Variants in MFSD6 observed in about 807,000 individuals in gnomAD.
MFSD6 encodes the protein major facilitator superfamily domain-containing protein 6.
MFSD6 carries 26 observed loss-of-function variants against 56.3 expected under a neutral mutation model. The observed-to-expected ratio is 0.46, with a 90% confidence interval of 0.34 to 0.64. The LOEUF (loss-of-function observed/expected upper bound fraction) is 0.64. Among genes scored for constraint, MFSD6 ranks in the 30% least tolerant of loss-of-function variants. MFSD6 has a pLI of 0.01. For synonymous variants in MFSD6, 331 were observed against 366.9 expected (o/e 0.90, Z 1.12); for missense variants, 750 against 986.2 (o/e 0.76, Z 3.21).
Position 190,437,089 on chromosome 2 carries a change from C to T in MFSD6, c.1060C>T (p.Leu354Phe). The change falls in exon 3 of 8, where the codon CTC (leucine) becomes TTC (phenylalanine). Residue 354 changes from leucine (L) to phenylalanine (F), a missense_variant. By Grantham distance (22) the Leu-to-Phe change is conservative (BLOSUM62 0). Transcript: ENST00000392328. This position sits in a 1 kb window ranked among gnomAD's most constrained non-coding sequence, Gnocchi z 5.9. The stretch of plus-strand genomic sequence containing the variant: ...GATCGACTACACCCACATCGAAGTG[C>T]TCATCGATGGAAAGGGGTGTAAGCC... Reference protein sequence around the residue: ...IGIDYTHIEVLIDGKGCKPPE... With the variant: ...IGIDYTHIEVFIDGKGCKPPE... 3 of 1,614,240 alleles carry T rather than the reference C, an allele frequency of 1.9e-6. No homozygotes were observed. Among genetic ancestry groups the T allele is most frequent in the Non-Finnish European group, 2.5e-6 (3 of 1,180,052 alleles).
chr2:190,432,011 A>G (rs899769999), intron 2 of MFSD6, among the ~76,000 whole-genome samples: 4 of 148,752 alleles, frequency 2.7e-5, no homozygotes, highest in African/African-American at 1.0e-4. Flanking sequence ...ATTTCTCTGG[A>G]CTGATAGTGT....
chr2:190,499,648 G>A lies in MFSD6; in HGVS notation c.2173-367G>A, dbSNP rs572599565. Among the ~76,000 whole-genome samples, 109 of 152,306 alleles carry A rather than the reference G, an allele frequency of 7.2e-4. No homozygotes were observed. Among genetic ancestry groups the A allele is most frequent in the African/African-American group, 2.4e-3 (98 of 41,560 alleles). On this transcript the variant is annotated intron_variant, in intron 7 of 7. Transcript: ENST00000392328. The surrounding 1 kb of genome is among the most constrained non-coding windows in gnomAD (Gnocchi z 6.0). ...CTTGGATTCTGTGGTCTTAGCAAGC[G>A]GCCTGAGTTTCAGTTATTCCATAGT... is the stretch of plus-strand genomic sequence containing the variant.
At chr2:190,468,303 C>T (rs1687712686) in intron 3 of MFSD6, among the ~76,000 whole-genome samples, 1 of 152,154 alleles carries the variant, frequency 6.6e-6, no homozygotes. Flanking sequence ...TATCTGTTGC[C>T]TATTTCATCC....
At chr2:190,481,196 C>T (rs1374876291) in intron 4 of MFSD6, among the ~76,000 whole-genome samples, 3 of 152,198 alleles carry the variant, frequency 2.0e-5, no homozygotes, top group African/African-American at 7.2e-5. Context: ...TCTCCTAAAA[C>T]CTGCTTAAAG....
Position 190,424,577 on chromosome 2 carries a change from C to T in MFSD6, c.-54+9164C>T, listed in dbSNP as rs568191406. 6.6e-6 allele frequency among the ~76,000 whole-genome samples: 1 copy of T among 152,204 alleles called. No homozygotes were observed. The highest frequency in any genetic ancestry group is 6.5e-5 in the Admixed American group (1 of 15,272). ...CTCGAACTCCTGACCTCAGGTGATC[C>T]GTCCACCTCGGCCACCAAAGTGCTG... On this transcript the variant is annotated intron_variant, in intron 2 of 7. Transcript: ENST00000392328. The surrounding 1 kb of genome is among the most constrained non-coding windows in gnomAD (Gnocchi z 5.9).
rs1371991784 is a variant in MFSD6 at position 190,488,685 on chromosome 2, A to C, written c.1659A>C (p.Ala553=). The C allele has an allele frequency of 6.3e-7, 1 of 1,592,012 alleles. No individual in the cohort carries two copies. Among genetic ancestry groups the C allele is most frequent in the Non-Finnish European group, 8.5e-7 (1 of 1,170,172 alleles). Residue 553 remains alanine, a synonymous_variant, in exon 5 of 8, where the codon GCA becomes GCC. Transcript: ENST00000392328. The surrounding 1 kb of genome is among the most constrained non-coding windows in gnomAD (Gnocchi z 6.4). ...QGVTHAAIWA[A]CISYLSAAVP... ...TGACACACGCGGCCATCTGGGCAGCATGCATTTCTTACCTCAGTGCAGCCG... is the reference window on the plus strand; with the variant it reads ...TGACACACGCGGCCATCTGGGCAGCCTGCATTTCTTACCTCAGTGCAGCCG...
chr2:190,486,626 G>T (rs969868224), intron 4 of MFSD6, among the ~76,000 whole-genome samples: 11 of 152,182 alleles, frequency 7.2e-5, no homozygotes, highest in Non-Finnish European at 1.5e-4. Context: ...GTTTTGTCCG[G>T]TTTTTTAGTT....
In MFSD6 at chr2:190,435,830, T is replaced by A. The variant is rs1686158852; in HGVS notation, c.-53-147T>A. The A allele has an allele frequency of 7.4e-6, 5 of 678,590 alleles. No individual in the cohort carries two copies. The South Asian group carries it at 1.4e-4, about 19-fold the overall frequency. 42.0% of individuals were successfully genotyped at this position (678,590 alleles called of 1,614,324 possible). A position where few individuals can be genotyped will look rare whatever the true frequency, so the allele number is the denominator to read the frequency against. The stretch of plus-strand genomic sequence containing the variant: ...AAAAGCTATTTTTCCTTACCGGTAT[T>A]GTGTGGCTGCAAGTGATAAATGATG... On this transcript the variant is annotated intron_variant, in intron 2 of 7. Coordinates refer to ENST00000392328, the MANE Select transcript of MFSD6 (RefSeq NM_017694.4).
At chr2:190,450,169 T>A (rs1266227882) in intron 3 of MFSD6, among the ~76,000 whole-genome samples, 1 of 152,222 alleles carries the variant, frequency 6.6e-6, no homozygotes, top group East Asian at 1.9e-4. Flanking sequence ...AGTGTCAGTT[T>A]ACTGCGTTTT....
rs1685769022 is a variant in MFSD6, at chr2:190,425,833, GGA to G, written c.-53-10143_-53-10142del. ...GTTTTTTTGGACAGTCTTTTTTTCT[GGA>G]TATAGCATTCTGCATTGACAATTCT... is the stretch of plus-strand genomic sequence containing the variant. On this transcript the variant is annotated intron_variant, in intron 2 of 7. Transcript: ENST00000392328. This position sits in a 1 kb window ranked among gnomAD's most constrained non-coding sequence, Gnocchi z 4.3. 6.6e-6 allele frequency among the ~76,000 whole-genome samples: 1 copy of G among 151,820 alleles called. No homozygotes were observed. The highest frequency in any genetic ancestry group is 1.5e-5 in the Non-Finnish European group (1 of 67,966).
At chr2:190,428,874 C>T (rs552067300) in intron 2 of MFSD6, among the ~76,000 whole-genome samples, 457 of 151,986 alleles carry the variant, frequency 3.0e-3, no homozygotes, top group African/African-American at 0.01. Context: ...GGTTTTGCCA[C>T]ATTGGCCAGG....
At chr2:190,475,805 C>T (rs985564722) in intron 4 of MFSD6, among the ~76,000 whole-genome samples, 2 of 152,158 alleles carry the variant, frequency 1.3e-5, no homozygotes, top group African/African-American at 4.8e-5. Flanking sequence ...TACCTGACTT[C>T]AAACTATACT....
Position 190,436,621 on chromosome 2 carries a change from A to G in MFSD6, c.592A>G (p.Lys198Glu). The part of the protein sequence containing the change: ...FLTISPKMRE[K>E]RNLLETRLNV... ...CACCATATCACCAAAAATGCGTGAG[A>G]AAAGAAACCTTTTGGAAACAAGGCT... Residue 198 changes from lysine (K) to glutamate (E), a missense_variant, in exon 3 of 8, where the codon AAA (lysine) becomes GAA (glutamate). Lys to Glu is a moderately conservative substitution (Grantham distance 56, BLOSUM62 1). Transcript: ENST00000392328. This position sits in a 1 kb window ranked among gnomAD's most constrained non-coding sequence, Gnocchi z 5.3. The G allele has an allele frequency of 6.2e-7, 1 of 1,614,218 alleles. No homozygotes were observed.
chr2:190,450,104 C>T (rs1220288364), intron 3 of MFSD6, among the ~76,000 whole-genome samples: 1 of 152,066 alleles, frequency 6.6e-6, no homozygotes, highest in East Asian at 1.9e-4. Flanking sequence ...TTATTACTGG[C>T]AGTAAGTGCA....
Position 190,500,353 on chromosome 2 carries a change from T to C in MFSD6, c.*135T>C. On this transcript the variant is annotated 3_prime_UTR_variant, in exon 8 of 8. Transcript: ENST00000392328. This position sits in a 1 kb window ranked among gnomAD's most constrained non-coding sequence, Gnocchi z 5.3. ...TATGCTTCTAAATATCTAAACTCAT[T>C]AACATGGAAACACACACACAGGAGC... The C allele has an allele frequency of 1.1e-6, 1 of 878,964 alleles. No individual in the cohort carries two copies. The allele number at this position is 878,964 out of a possible 1,614,324, so 54.4% of individuals were successfully genotyped here. A position where few individuals can be genotyped will look rare whatever the true frequency, so the allele number is the denominator to read the frequency against.
rs1686760062 is a variant in MFSD6 at position 190,451,059 on chromosome 2, T to G, written c.1532+13498T>G. Among the ~76,000 whole-genome samples the G allele has an allele frequency of 6.6e-6, 1 of 152,194 alleles. No homozygotes were observed. The highest frequency in any genetic ancestry group is 6.5e-5 in the Admixed American group (1 of 15,280). On this transcript the variant is annotated intron_variant, in intron 3 of 7. Coordinates refer to ENST00000392328, the MANE Select transcript of MFSD6 (RefSeq NM_017694.4). The surrounding 1 kb of genome is among the most constrained non-coding windows in gnomAD (Gnocchi z 5.0). The stretch of plus-strand genomic sequence containing the variant: ...GTTGGTCTAGGCTTGACTCCAGTCA[T>G]CATCCTAAGCCCTGGTAGGATCGTT...
Position 190,497,534 on chromosome 2 carries a change from C to G in MFSD6, c.1987C>G (p.Pro663Ala). Reference protein sequence around the residue: ...LVQQQTEDVMPRIEPRLPPKK... With the variant: ...LVQQQTEDVMARIEPRLPPKK... The stretch of plus-strand genomic sequence containing the variant: ...ACAGCAACAGACAGAAGATGTCATG[C>G]CACGCATTGAGCCCAGACTTCCACC... Residue 663 changes from proline (P) to alanine (A), a missense_variant, in exon 7 of 8, where the codon CCA becomes GCA. Physicochemically the swap from Pro to Ala is conservative, Grantham distance 27. Around this residue, in one of 5 missense-constraint regions of MFSD6, gnomAD observed 172 missense variants for 203.9 expected, o/e 0.84. Coordinates refer to ENST00000392328, the MANE Select transcript of MFSD6 (RefSeq NM_017694.4). The surrounding 1 kb of genome is among the most constrained non-coding windows in gnomAD (Gnocchi z 5.2). 1.2e-6 allele frequency: 2 copies of G among 1,614,196 alleles called. No homozygotes were observed. The highest frequency in any genetic ancestry group is 1.7e-6 in the Non-Finnish European group (2 of 1,180,020).
intron 3 of MFSD6, among the ~76,000 whole-genome samples, chr2:190,453,756 C>G (rs75645857): frequency 0.012 from 1,897 of 152,310 alleles, 36 homozygotes; most frequent in African/African-American, 0.043. Flanking sequence ...ACTGGAGAAG[C>G]ACAGAACGGA....
rs1156254971 is a variant in MFSD6, at chr2:190,485,778, TA to T, written c.1631-2877del. Among the ~76,000 whole-genome samples the T allele has an allele frequency of 6.6e-6, 1 of 150,856 alleles. No individual in the cohort carries two copies. The highest frequency in any genetic ancestry group is 2.4e-5 in the African/African-American group (1 of 41,016). On this transcript the variant is annotated intron_variant, in intron 4 of 7. Coordinates refer to ENST00000392328, the MANE Select transcript of MFSD6 (RefSeq NM_017694.4). This position sits in a 1 kb window ranked among gnomAD's most constrained non-coding sequence, Gnocchi z 5.1. ...GGAAATTAACTGTGTATGCTACTGC[TA>T]ATCATCTAGTCCATCTTACTAGTTA...
Sources: gnomAD v4.1 joint callset for allele counts (sites outside exome capture counted in the v4.1 genomes callset) on GRCh38, gnomAD v4.1.1 for gene constraint, gnomAD v4.1.1 regional missense constraint, Gnocchi (gnomAD v3.1) non-coding constraint, MANE v1.5 for transcripts, NCBI Gene and HGNC (gene_info 2026-07-23, HGNC 2026-07-21) for gene names.